GALM: variants seen among roughly 807,000 people sequenced by gnomAD.
GALM encodes the protein aldose 1-epimerase.
A neutral mutation model predicts 37.4 loss-of-function variants in GALM; 43 were observed. The ratio of observed to expected loss-of-function variants is 1.15; its 90% CI spans 0.90 to 1.48. GALM has a LOEUF of 1.48. Ranked by LOEUF, GALM falls within the 40% of genes most tolerant of loss-of-function variation. The pLI is 0.00. For synonymous variants in GALM, 199 were observed against 170.6 expected (o/e 1.17, Z -1.30); for missense variants, 456 against 419.1 (o/e 1.09, Z -0.77).
Position 38,670,470 on chromosome 2 carries a change from AG to A in GALM, c.190+4120del, listed in dbSNP as rs772639242. Among the ~76,000 whole-genome samples, 16 of 152,364 alleles carry A rather than the reference AG, an allele frequency of 1.1e-4. No homozygotes were observed. The East Asian group carries it at 2.5e-3, about 24-fold the overall frequency. The stretch of plus-strand genomic sequence containing the variant: ...CAGTTTATTGTCGCTCACGCCCAGG[AG>A]CACCCTGGTGGGAGCATTGAAAATT... On this transcript the variant is annotated intron_variant, in intron 1 of 6. Transcript: ENST00000272252.
chr2:38,672,045 C>A (rs557766457), intron 1 of GALM, among the ~76,000 whole-genome samples: 30 of 150,984 alleles, frequency 2.0e-4, no homozygotes, highest in African/African-American at 5.8e-4. Flanking sequence ...AAAAAAACAA[C>A]AAAAAAACCC....
chr2:38,679,965 T>C, intron 2 of GALM: 1 of 440,396 alleles, frequency 2.3e-6, no homozygotes, highest in Non-Finnish European at 4.5e-6. Context: ...ACAGCCACTA[T>C]GTTAATCCAA....
chr2:38,720,113 G>A (rs1188568251), intron 4 of GALM, among the ~76,000 whole-genome samples: 1 of 152,130 alleles, frequency 6.6e-6, no homozygotes, highest in African/African-American at 2.4e-5. Flanking sequence ...TCGGGAGGCT[G>A]TAGTGGGAGG....
At chr2:38,677,836 T>A (rs1278710618) in intron 2 of GALM, among the ~76,000 whole-genome samples, 1 of 151,794 alleles carries the variant, frequency 6.6e-6, no homozygotes, top group African/African-American at 2.4e-5. Context: ...TAAAGGCGAA[T>A]GGCCACAAGC....
chr2:38,718,036 T>C (rs373935667), intron 4 of GALM, among the ~76,000 whole-genome samples: 53 of 149,476 alleles, frequency 3.5e-4, no homozygotes, highest in African/African-American at 1.3e-3. Flanking sequence ...GGGATCCTGC[T>C]ATGTTGCCCA....
chr2:38,681,859 G>A lies in GALM; in HGVS notation c.552+373G>A, dbSNP rs566836872. Among the ~76,000 whole-genome samples the A allele has an allele frequency of 1.5e-3, 230 of 152,272 alleles. 1 individual carries two copies. Among genetic ancestry groups the A allele is most frequent in the African/African-American group, 5.1e-3 (213 of 41,546 alleles). On this transcript the variant is annotated intron_variant, in intron 3 of 6. Transcript: ENST00000272252. ...TTCCACCCTTGGAGCTTTGGAAATG[G>A]GCATGGTCCAGCTCCTTTAGATATG... is the stretch of plus-strand genomic sequence containing the variant.
chr2:38,722,903 C>T (rs183464797), intron 4 of GALM, among the ~76,000 whole-genome samples: 12 of 152,276 alleles, frequency 7.9e-5, no homozygotes, highest in African/African-American at 2.4e-4. Context: ...TGTGTCACCT[C>T]GGGCAAGTCC....
intron 1 of GALM, among the ~76,000 whole-genome samples, chr2:38,673,578 G>C (rs1185385351): frequency 6.6e-6 from 1 of 152,120 alleles, no homozygotes; most frequent in East Asian, 1.9e-4. Flanking sequence ...TATGGGGCCG[G>C]GGCGGGTGGA....
intron 1 of GALM, among the ~76,000 whole-genome samples, chr2:38,673,944 G>A (rs7600227): frequency 0.25 from 37,555 of 152,058 alleles, 5,163 homozygotes; most frequent in East Asian, 0.53. Flanking sequence ...GATACTCTAT[G>A]TAGTATGATT....
At chr2:38,679,530 A>T (rs980033024) in intron 2 of GALM, among the ~76,000 whole-genome samples, 2 of 152,194 alleles carry the variant, frequency 1.3e-5, no homozygotes, top group Admixed American at 6.5e-5. Flanking sequence ...TGGGCAACCA[A>T]ATCTTTACCT....
intron 3 of GALM, among the ~76,000 whole-genome samples, chr2:38,688,884 G>A (rs1010457006): frequency 6.6e-5 from 10 of 152,056 alleles, no homozygotes; most frequent in Non-Finnish European, 1.3e-4. Flanking sequence ...TGGCACGCGC[G>A]ATCTTGGCTC....
intron 3 of GALM, among the ~76,000 whole-genome samples, chr2:38,684,635 G>A (rs910549298): frequency 2.6e-5 from 4 of 152,074 alleles, no homozygotes; most frequent in East Asian, 3.8e-4. Context: ...GTAAAAACCC[G>A]TCTCCACTAA....
intron 4 of GALM, among the ~76,000 whole-genome samples, chr2:38,707,562 G>A (rs976471252): frequency 5.3e-5 from 8 of 152,280 alleles, no homozygotes; most frequent in Middle Eastern, 6.8e-3. Flanking sequence ...TCCTGACCCC[G>A]TTTAAGAATG....
chr2:38,734,659 GTA>G lies in GALM; in HGVS notation c.*1096_*1097del, dbSNP rs1666673098. ...GCTCCTTCTTTCCTAGACAATCAAAGTATCAGTGATGGGTTTTGGTTGGTGAT... is the reference window on the plus strand; with the variant it reads ...GCTCCTTCTTTCCTAGACAATCAAAGTCAGTGATGGGTTTTGGTTGGTGAT... On this transcript the variant is annotated 3_prime_UTR_variant, in exon 7 of 7. Transcript: ENST00000272252. 7.2e-6 allele frequency: 1 copy of G among 139,672 alleles called. No individual in the cohort carries two copies. The highest frequency in any genetic ancestry group is 2.7e-5 in the African/African-American group (1 of 36,688). The allele number at this position is 139,672 out of a possible 1,614,324, so 8.7% of individuals were successfully genotyped here. A position where few individuals can be genotyped will look rare whatever the true frequency, so the allele number is the denominator to read the frequency against.
intron 1 of GALM, among the ~76,000 whole-genome samples, chr2:38,672,237 T>C (rs770681113): frequency 3.9e-5 from 6 of 152,192 alleles, no homozygotes; most frequent in African/African-American, 1.4e-4. Context: ...GAGCTCAGTG[T>C]TCACTTGTTG....
chr2:38,682,688 G>C (rs1665424913), intron 3 of GALM, among the ~76,000 whole-genome samples: 1 of 152,106 alleles, frequency 6.6e-6, no homozygotes, highest in Non-Finnish European at 1.5e-5. Flanking sequence ...CCTGAGGTTA[G>C]GAGTTTGAGA....
intron 1 of GALM, among the ~76,000 whole-genome samples, chr2:38,670,649 A>T (rs953602509): frequency 6.6e-6 from 1 of 152,208 alleles, no homozygotes; most frequent in African/African-American, 2.4e-5. Context: ...ATCTGACCAC[A>T]TATTTGATAC....
At chr2:38,680,997 A>G (rs753253598) in intron 2 of GALM, among the ~76,000 whole-genome samples, 17 of 152,018 alleles carry the variant, frequency 1.1e-4, no homozygotes, top group Non-Finnish European at 2.2e-4. Flanking sequence ...TTAGCCAGGT[A>G]CAGTGGCTCA....
chr2:38,714,213 C>CG (rs1185235051), intron 4 of GALM, among the ~76,000 whole-genome samples: 3 of 150,596 alleles, frequency 2.0e-5, no homozygotes, highest in Non-Finnish European at 4.4e-5. Flanking sequence ...GTTTTTTTTG[C>CG]GGGGGGGTTG....
Sources: allele counts gnomAD v4.1 joint callset (sites outside exome capture counted in the v4.1 genomes callset), GRCh38; gene constraint gnomAD v4.1.1; transcripts MANE v1.5; gene names NCBI Gene and HGNC (gene_info 2026-07-23, HGNC 2026-07-21).